CLVS1: variants seen among roughly 807,000 people sequenced by gnomAD.
CLVS1 encodes clavesin-1.
CLVS1 carries 10 observed loss-of-function variants against 33.1 expected under a neutral mutation model. That is an observed-to-expected ratio of 0.30 (90% confidence interval 0.19 to 0.51). The LOEUF (loss-of-function observed/expected upper bound fraction) is 0.51, where lower values mean the gene tolerates loss of function less well. CLVS1 is among the 20% of genes least tolerant of loss of function. The pLI, the probability that CLVS1 is intolerant of heterozygous loss-of-function variation, is 0.97. For missense variants in CLVS1, 343 were observed against 433.4 expected (o/e 0.79, Z 1.85); for synonymous variants, 163 against 166.1 (o/e 0.98, Z 0.14).
At chr8:61,108,996 A>AT (rs1805584542) in intron 1 of CLVS1, among the ~76,000 whole-genome samples, 2 of 152,170 alleles carry the variant, frequency 1.3e-5, no homozygotes, top group South Asian at 4.2e-4. Flanking sequence ...GTGAGGAGGG[A>AT]TTTTTCCCAT....
At chr8:61,018,080 C>T in the CLVS1 span, among the ~76,000 whole-genome samples, 1 of 152,136 alleles carries the variant, frequency 6.6e-6, no homozygotes, top group African/African-American at 2.4e-5. Context: ...GTGAGTCAGG[C>T]AGAGTGTGGG....
chr8:61,124,218 T>C (rs1195667650), intron 1 of CLVS1, among the ~76,000 whole-genome samples: 1 of 152,208 alleles, frequency 6.6e-6, no homozygotes, highest in African/African-American at 2.4e-5. Context: ...TCCAGTGTGG[T>C]TGAGTTTTAA....
intron 1 of CLVS1, among the ~76,000 whole-genome samples, chr8:61,084,335 T>G (rs1805079394): frequency 6.6e-6 from 1 of 152,076 alleles, no homozygotes; most frequent in East Asian, 1.9e-4. Context: ...CAACATCAGG[T>G]GGAAAAAGAA....
intron 1 of CLVS1, chr8:61,090,855 A>G (rs778241135): frequency 9.6e-6 from 5 of 518,324 alleles, no homozygotes; most frequent in African/African-American, 9.6e-5. Flanking sequence ...GGGACTTTTG[A>G]GCTGATGAGA....
chr8:61,046,626 G>A, the CLVS1 span, among the ~76,000 whole-genome samples: 1 of 151,614 alleles, frequency 6.6e-6, no homozygotes, highest in Admixed American at 6.6e-5. Context: ...CATGAGCATG[G>A]AATGTTCTTC....
At chr8:61,497,700 A>G (rs186735773) in intron 5 of CLVS1, among the ~76,000 whole-genome samples, 1 of 152,230 alleles carries the variant, frequency 6.6e-6, no homozygotes, top group Non-Finnish European at 1.5e-5. Flanking sequence ...GGGGAAGTCC[A>G]TAGAGTAAAG....
Position 61,232,022 on chromosome 8 carries a change from G to GTTTTTTTTT in CLVS1, c.-151-67655_-151-67654insTTTTTTTTT, listed in dbSNP as rs376185436. ...GAGAAGGAGCCCTGAGGAAAGTTGT[G>GTTTTTTTTT]GTTTTTTTTTTTTTTTTTTTTTTTT... On this transcript the variant is annotated intron_variant, in intron 2 of 2. Transcript: ENST00000522621. 6.9e-4 allele frequency among the ~76,000 whole-genome samples: 81 copies of GTTTTTTTTT among 117,052 alleles called. 6 individuals carry two copies. Among genetic ancestry groups the GTTTTTTTTT allele is most frequent in the East Asian group, 4.3e-3 (12 of 2,820 alleles). The allele number at this position is 117,052 out of a possible 152,430, so 76.8% of individuals were successfully genotyped here.
At chr8:61,252,424 C>G (rs1040787680) in intron 2 of CLVS1, among the ~76,000 whole-genome samples, 1 of 152,156 alleles carries the variant, frequency 6.6e-6, no homozygotes, top group African/African-American at 2.4e-5. Context: ...CTTCAGATGT[C>G]TATTAGGTCT....
At chr8:61,300,369 T>A in intron 2 of CLVS1, 87 bp downstream of exon 2, 1 of 1,148,566 alleles carries the variant, frequency 8.7e-7, no homozygotes, top group Non-Finnish European at 1.2e-6. Context: ...TTATATGTAA[T>A]GGGCTTTCAT....
chr8:61,155,598 A>G (rs570856374), intron 2 of CLVS1, among the ~76,000 whole-genome samples: 1 of 152,214 alleles, frequency 6.6e-6, no homozygotes, highest in East Asian at 1.9e-4. Context: ...GAAGGAAACC[A>G]CGGTACTTAA....
chr8:61,453,840 G>A (rs1817051722), intron 3 of CLVS1, among the ~76,000 whole-genome samples: 1 of 152,170 alleles, frequency 6.6e-6, no homozygotes, highest in East Asian at 1.9e-4. Context: ...TCACTCCTCA[G>A]GCTGCATGAG....
chr8:60,984,515 A>G, the CLVS1 span, among the ~76,000 whole-genome samples: 19 of 151,984 alleles, frequency 1.3e-4, no homozygotes, highest in African/African-American at 3.9e-4. Context: ...TTTACCAGAC[A>G]TGGGGTTTCA....
intron 2 of CLVS1, among the ~76,000 whole-genome samples, chr8:61,338,847 G>A (rs1005155807): frequency 6.6e-6 from 1 of 152,156 alleles, no homozygotes; most frequent in African/African-American, 2.4e-5. Context: ...CTCTGCCCCA[G>A]GGAGGTCCTT....
Position 61,312,295 on chromosome 8 carries a change from T to G in CLVS1, c.455+12013T>G, listed in dbSNP as rs115300751. On this transcript the variant is annotated intron_variant, in intron 2 of 5. Transcript: ENST00000325897. ...CTCAGAACAGTGATATACAGAACCT[T>G]AAACAGCCACTGGGAAAGATTAAGT... Among the ~76,000 whole-genome samples, 811 of 152,354 alleles carry G rather than the reference T, an allele frequency of 5.3e-3. 9 individuals carry two copies. Among genetic ancestry groups the G allele is most frequent in the African/African-American group, 0.018 (747 of 41,574 alleles).
At chr8:61,149,327 G>A (rs1417191616) in intron 2 of CLVS1, among the ~76,000 whole-genome samples, 2 of 152,010 alleles carry the variant, frequency 1.3e-5, no homozygotes, top group African/African-American at 4.8e-5. Flanking sequence ...TGAGGTGGGT[G>A]GATCACCTGA....
chr8:61,416,721 A>G (rs971918407), intron 3 of CLVS1, among the ~76,000 whole-genome samples: 37 of 152,218 alleles, frequency 2.4e-4, no homozygotes, highest in African/African-American at 8.4e-4. Flanking sequence ...CTAGTAATGC[A>G]AGAATGGAAA....
At chr8:61,468,727 A>AG (rs2129607620) in intron 5 of CLVS1, among the ~76,000 whole-genome samples, 1 of 149,708 alleles carries the variant, frequency 6.7e-6, no homozygotes, top group South Asian at 2.1e-4. Context: ...AAAAAAAAAA[A>AG]AAAAAAAAAA....
intron 1 of CLVS1, among the ~76,000 whole-genome samples, chr8:61,112,637 A>G (rs1585618632): frequency 6.6e-6 from 1 of 152,338 alleles, no homozygotes; most frequent in East Asian, 1.9e-4. Context: ...TCACTATTCC[A>G]GTAGATGTAG....
At chr8:61,095,318 G>C (rs1805332322) in intron 1 of CLVS1, among the ~76,000 whole-genome samples, 2 of 152,198 alleles carry the variant, frequency 1.3e-5, no homozygotes, top group Non-Finnish European at 2.9e-5. Flanking sequence ...AAACAATAAG[G>C]TTTGGAAATC....
Sources: gnomAD v4.1 joint callset for allele counts (sites outside exome capture counted in the v4.1 genomes callset) on GRCh38, gnomAD v4.1.1 for gene constraint, MANE v1.5 for transcripts, NCBI Gene and HGNC (gene_info 2026-07-23, HGNC 2026-07-21) for gene names.